The following SMARCA1 variants were observed in gnomAD, a reference collection of about 807,000 sequenced individuals.
SMARCA1 encodes SNF2 related chromatin remodeling ATPase 1.
SMARCA1 carries 17 observed loss-of-function variants against 93.6 expected under a neutral mutation model. That is an observed-to-expected ratio of 0.18 (90% CI 0.12 to 0.27). SMARCA1 has a LOEUF of 0.27. Ranked by LOEUF, SMARCA1 falls within the 10% of genes least tolerant of loss-of-function variation. SMARCA1 has a pLI of 1.00. For synonymous variants in SMARCA1, 271 were observed against 271.4 expected (o/e 1.00, Z 0.01); for missense variants, 630 against 819.0 (o/e 0.77, Z 2.82).
chrX:129,460,375 C>T (rs1459906328), intron 23 of SMARCA1, among the ~76,000 whole-genome samples: 2 of 110,497 alleles, frequency 1.8e-5, no homozygotes, highest in East Asian at 5.7e-4. Context: ...AGGCCGGGCA[C>T]GGTGTCTCAT....
At chrX:129,521,134 C>T (rs769400824) in intron 1 of SMARCA1, among the ~76,000 whole-genome samples, 6 of 111,618 alleles carry the variant, frequency 5.4e-5, no homozygotes, top group Non-Finnish European at 1.1e-4. Flanking sequence ...GATCTACCCG[C>T]CTCGGCCTCC....
intron 17 of SMARCA1, among the ~76,000 whole-genome samples, chrX:129,482,220 T>C (rs1398085954): frequency 1.1e-5 from 1 of 95,147 alleles, no homozygotes; most frequent in Non-Finnish European, 2.1e-5. Context: ...TTGGGAGATA[T>C]ACCTAATGCT....
At chrX:129,522,589 G>A (rs1424036760) in intron 1 of SMARCA1, among the ~76,000 whole-genome samples, 2 of 110,913 alleles carry the variant, frequency 1.8e-5, no homozygotes, top group African/African-American at 6.6e-5. Context: ...ACCTCGGCAG[G>A]CGGGGTTCAA....
intron 15 of SMARCA1, 53 bp from the exon 16 acceptor site, chrX:129,489,138 G>A: frequency 1.2e-6 from 1 of 823,468 alleles, no homozygotes; most frequent in Non-Finnish European, 1.8e-6. Flanking sequence ...TTCCAAAGAA[G>A]GCATAATCAT....
In SMARCA1 at chrX:129,465,890, G is replaced by A; in HGVS notation, c.2771C>T (p.Ala924Val). 1 of 1,184,206 alleles carries A rather than the reference G, an allele frequency of 8.4e-7. No individual in the cohort carries two copies. Among genetic ancestry groups the A allele is most frequent in the Non-Finnish European group, 1.1e-6 (1 of 881,380 alleles). Residue 924 changes from alanine (A) to valine (V), a missense_variant, in exon 22 of 25, where the codon GCA becomes GTA. Ala to Val is a moderately conservative substitution (Grantham distance 64). Coordinates refer to ENST00000371121, the MANE Select transcript of SMARCA1 (RefSeq NM_001282874.2). ...KIMAQIERGE[A>V]RIQRRISIKK... ...GATACTGATCCTTCGTTGAATTCTT[G>A]CTTCTCCACGTTCAATTTGAGCCAT...
intron 19 of SMARCA1, among the ~76,000 whole-genome samples, chrX:129,475,972 A>C (rs980208181): frequency 8.9e-6 from 1 of 112,507 alleles, no homozygotes; most frequent in African/African-American, 3.2e-5. Context: ...ATTTGTCCCT[A>C]AAGAATTTTT....
chrX:129,451,032 G>A (rs954908538), intron 23 of SMARCA1, among the ~76,000 whole-genome samples: 2 of 111,655 alleles, frequency 1.8e-5, no homozygotes, highest in African/African-American at 6.5e-5. Context: ...GAAAAAAATT[G>A]CTCATTAATG....
intron 8 of SMARCA1, 105 bp from the exon 9 acceptor site, chrX:129,504,907 G>T (rs1383855201): frequency 4.1e-6 from 2 of 484,084 alleles, no homozygotes; most frequent in African/African-American, 2.4e-5. Flanking sequence ...CATTTAAAAA[G>T]TACTTTCAAA....
In SMARCA1 at chrX:129,508,038, T is replaced by C. The variant is rs1216555040; in HGVS notation, c.869A>G (p.Tyr290Cys). ...PGEWDVCVTS[Y>C]EMVIKEKSVF... is the part of the protein sequence containing the mutation. ...AGATTTTTCTTTAATTACCATCTCATAAGAAGTAACGCAAACATCCCACTC... is the reference window on the plus strand; with the variant it reads ...AGATTTTTCTTTAATTACCATCTCACAAGAAGTAACGCAAACATCCCACTC... The change falls in exon 7 of 25, where the codon TAT (tyrosine) becomes TGT (cysteine). Residue 290 changes from tyrosine to cysteine, a missense_variant. Tyr to Cys is a radical substitution (Grantham distance 194, BLOSUM62 -2). Around this residue, in one of 4 missense-constraint regions of SMARCA1, gnomAD observed 382 missense variants for 537.9 expected, o/e 0.71. Coordinates refer to ENST00000371121, the MANE Select transcript of SMARCA1 (RefSeq NM_001282874.2). The C allele has an allele frequency of 8.4e-7, 1 of 1,190,034 alleles. No individual in the cohort carries two copies. The highest frequency in any genetic ancestry group is 1.1e-6 in the Non-Finnish European group (1 of 880,564).
At position 129,516,517 on chromosome X, in the gene SMARCA1, A is replaced by T; in HGVS notation, c.262-20T>A. ...GGCTTTCTAATTTGCAAAACAAAAG[A>T]AAAGTAAGGACTTTCCTTTTCATTC... On this transcript the variant is annotated intron_variant, in intron 2 of 24. Coordinates refer to ENST00000371121, the MANE Select transcript of SMARCA1 (RefSeq NM_001282874.2). The T allele has an allele frequency of 8.5e-7, 1 of 1,172,996 alleles. No individual in the cohort carries two copies. The highest frequency in any genetic ancestry group is 1.1e-6 in the Non-Finnish European group (1 of 870,169).
intron 1 of SMARCA1, 137 bp downstream of exon 1, chrX:129,523,060 C>A: frequency 1.4e-6 from 1 of 696,282 alleles, no homozygotes; most frequent in Non-Finnish European, 2.1e-6. Flanking sequence ...GGTTCCGCCG[C>A]CGACCCCCGC....
chrX:129,474,907 C>A (rs970460774), intron 19 of SMARCA1, among the ~76,000 whole-genome samples: 3 of 110,730 alleles, frequency 2.7e-5, no homozygotes, highest in African/African-American at 9.9e-5. Flanking sequence ...GATGGTGTTA[C>A]AAAGAGGAAT....
At chrX:129,491,265 T>C (rs1000360915) in intron 14 of SMARCA1, among the ~76,000 whole-genome samples, 24 of 111,664 alleles carry the variant, frequency 2.1e-4, no homozygotes, top group African/African-American at 7.8e-4. Context: ...ATTTTGCATC[T>C]TTTTACTTCT....
intron 21 of SMARCA1, among the ~76,000 whole-genome samples, chrX:129,467,203 A>C (rs772851480): frequency 8.9e-6 from 1 of 112,124 alleles, no homozygotes; most frequent in South Asian, 3.7e-4. Flanking sequence ...AACTCATTGC[A>C]ATCTCCTCAC....
At chrX:129,493,019 G>A (rs1218539515) in intron 13 of SMARCA1, 21 bp downstream of exon 13, 1 of 467,252 alleles carries the variant, frequency 2.1e-6, no homozygotes, top group East Asian at 3.8e-5. Context: ...TATGCATCAA[G>A]AGCCTTAAAA....
chrX:129,482,670 A>G (rs1486280544), intron 17 of SMARCA1, among the ~76,000 whole-genome samples: 6 of 112,607 alleles, frequency 5.3e-5, no homozygotes, highest in Non-Finnish European at 1.1e-4. Flanking sequence ...CATCCAAAGT[A>G]GCATCAACCA....
At chrX:129,479,729 C>T (rs1012494639) in intron 19 of SMARCA1, among the ~76,000 whole-genome samples, 1 of 99,926 alleles carries the variant, frequency 1.0e-5, no homozygotes, top group Admixed American at 1.1e-4. Context: ...ACAGAGTCTC[C>T]CTCTGTCGCC....
intron 16 of SMARCA1, among the ~76,000 whole-genome samples, chrX:129,488,001 A>T (rs1011167474): frequency 2.7e-5 from 3 of 110,925 alleles, no homozygotes; most frequent in African/African-American, 6.5e-5. Flanking sequence ...AAAATAATCC[A>T]AGGAGGGGAA....
intron 21 of SMARCA1, 112 bp downstream of exon 21, chrX:129,468,661 A>G: frequency 2.0e-6 from 1 of 491,901 alleles, no homozygotes; most frequent in South Asian, 4.5e-5. Context: ...ACTCTCATCT[A>G]TGTCTTATTC....
Sources: gnomAD v4.1 joint callset for allele counts (sites outside exome capture counted in the v4.1 genomes callset) on GRCh38, gnomAD v4.1.1 for gene constraint, gnomAD v4.1.1 regional missense constraint, MANE v1.5 for transcripts, NCBI Gene and HGNC (gene_info 2026-07-23, HGNC 2026-07-21) for gene names.